Variants in KIAA1217 observed in about 807,000 individuals in gnomAD.
The protein encoded by KIAA1217 is sickle tail protein homolog.
A neutral mutation model predicts 163.9 loss-of-function variants in KIAA1217; 88 were observed. The observed-to-expected ratio is 0.54, with a 90% CI of 0.45 to 0.64. The LOEUF (loss-of-function observed/expected upper bound fraction) is 0.64, where lower values mean the gene tolerates loss of function less well. Ranked by LOEUF, KIAA1217 falls within the 30% of genes least tolerant of loss-of-function variation. The pLI is 0.00. For synonymous variants in KIAA1217, 903 were observed against 923.1 expected (o/e 0.98, Z 0.39); for missense variants, 2,372 against 2,475.0 (o/e 0.96, Z 0.88).
At chr10:24,254,663 C>A (rs1008722791) in intron 2 of KIAA1217, among the ~76,000 whole-genome samples, 2 of 152,180 alleles carry the variant, frequency 1.3e-5, no homozygotes, top group Non-Finnish European at 2.9e-5. Flanking sequence ...CTGGATGAAA[C>A]AATTTGACCA....
intron 2 of KIAA1217, among the ~76,000 whole-genome samples, chr10:24,021,656 A>G (rs1356235310): frequency 6.6e-6 from 1 of 151,936 alleles, no homozygotes; most frequent in Non-Finnish European, 1.5e-5. Context: ...AAGGGGAAGA[A>G]TAAAGCTGGA....
At chr10:23,845,848 G>T (rs9755118) in intron 1 of KIAA1217, among the ~76,000 whole-genome samples, 15 of 152,168 alleles carry the variant, frequency 9.9e-5, no homozygotes, top group Non-Finnish European at 1.9e-4. Context: ...TTTCTTCTAG[G>T]ATTTTTATGG....
intron 1 of KIAA1217, among the ~76,000 whole-genome samples, chr10:23,863,650 TA>T (rs1308914233): frequency 6.6e-6 from 1 of 152,204 alleles, no homozygotes; most frequent in Non-Finnish European, 1.5e-5. Flanking sequence ...CTGTTCCTAG[TA>T]AATTACCTAG....
At chr10:24,309,285 G>C (rs1432136695) in intron 2 of KIAA1217, among the ~76,000 whole-genome samples, 2 of 151,822 alleles carry the variant, frequency 1.3e-5, no homozygotes, top group Non-Finnish European at 2.9e-5. Flanking sequence ...TATGAGGATG[G>C]GGTCTTTCAA....
At chr10:23,775,848 T>C (rs1166482680) in intron 1 of KIAA1217, among the ~76,000 whole-genome samples, 7 of 152,178 alleles carry the variant, frequency 4.6e-5, no homozygotes, top group African/African-American at 1.4e-4. Context: ...CATCACAGAC[T>C]TTTTTTCCCA....
chr10:23,878,877 G>C (rs1300991654), intron 1 of KIAA1217, among the ~76,000 whole-genome samples: 1 of 151,832 alleles, frequency 6.6e-6, no homozygotes, highest in East Asian at 2.0e-4. Flanking sequence ...AAAAAGATCG[G>C]GTTGACTCCG....
chr10:23,916,648 A>G (rs1012490278), intron 1 of KIAA1217, among the ~76,000 whole-genome samples: 1 of 152,184 alleles, frequency 6.6e-6, no homozygotes, highest in African/African-American at 2.4e-5. Context: ...CATGTAGCCT[A>G]CATATGCTAG....
intron 5 of KIAA1217, chr10:24,466,617 G>A (rs2062973644): frequency 1.0e-6 from 1 of 985,254 alleles, no homozygotes; most frequent in Non-Finnish European, 1.2e-6. Flanking sequence ...AACATTTTAG[G>A]ATCTTTGTGT....
Position 23,771,417 on chromosome 10 carries a change from C to T in KIAA1217, c.-321+76183C>T, listed in dbSNP as rs191427397. Among the ~76,000 whole-genome samples, 38 of 152,316 alleles carry T rather than the reference C, an allele frequency of 2.5e-4. No homozygotes were observed. The East Asian group carries it at 7.1e-3, about 29-fold the overall frequency. On this transcript the variant is annotated intron_variant, in intron 1 of 18. Transcript: ENST00000376462. ...AAATGTATGTTTTTGCTGCTCAAAA[C>T]ATTATTTTGCTCTCTCAAAACATTA...
At chr10:23,763,809 A>G (rs999465516) in intron 1 of KIAA1217, among the ~76,000 whole-genome samples, 3 of 152,236 alleles carry the variant, frequency 2.0e-5, no homozygotes, top group African/African-American at 7.2e-5. Flanking sequence ...CTGTAAAGGA[A>G]TACCTGAGAC....
intron 1 of KIAA1217, among the ~76,000 whole-genome samples, chr10:23,879,662 C>G (rs1840862234): frequency 6.6e-6 from 1 of 151,824 alleles, no homozygotes. Context: ...GGAACCAGTC[C>G]TTCTAAGACC....
At chr10:23,855,347 C>T (rs1432219836) in intron 1 of KIAA1217, among the ~76,000 whole-genome samples, 1 of 152,220 alleles carries the variant, frequency 6.6e-6, no homozygotes, top group Non-Finnish European at 1.5e-5. Context: ...TTGGCCCCTA[C>T]TCTCTTCTGG....
chr10:23,950,214 G>A (rs571127832), intron 1 of KIAA1217, among the ~76,000 whole-genome samples: 2 of 152,160 alleles, frequency 1.3e-5, no homozygotes, highest in South Asian at 4.2e-4. Flanking sequence ...TATAAAGTTT[G>A]GGGATTTCTT....
chr10:24,507,176 A>G (rs1013990604), intron 9 of KIAA1217, among the ~76,000 whole-genome samples: 1 of 152,232 alleles, frequency 6.6e-6, no homozygotes, highest in African/African-American at 2.4e-5. Flanking sequence ...AAGCCTTTAA[A>G]GGACAAAGCT....
At chr10:24,435,954 G>A (rs2059982720) in intron 4 of KIAA1217, among the ~76,000 whole-genome samples, 1 of 151,960 alleles carries the variant, frequency 6.6e-6, no homozygotes, top group African/African-American at 2.4e-5. Flanking sequence ...ACCACCTCCT[G>A]GGTTCAAGTA....
intron 5 of KIAA1217, among the ~76,000 whole-genome samples, chr10:24,448,208 T>C (rs755673692): frequency 2.0e-5 from 3 of 151,966 alleles, no homozygotes; most frequent in Non-Finnish European, 4.4e-5. Context: ...AAAATAAGTG[T>C]TCATCAGAAA....
chr10:23,824,656 A>ATATAT (rs1564453885), intron 1 of KIAA1217, among the ~76,000 whole-genome samples: 75 of 82,272 alleles, frequency 9.1e-4, no homozygotes, highest in Non-Finnish European at 1.3e-3. Context: ...AAAAATAAAA[A>ATATAT]AAATATATAT....
At chr10:23,767,122 A>T (rs972894787) in intron 1 of KIAA1217, among the ~76,000 whole-genome samples, 7 of 152,132 alleles carry the variant, frequency 4.6e-5, no homozygotes, top group Non-Finnish European at 8.8e-5. Flanking sequence ...CAGAAATGAT[A>T]TTGAAAAAGA....
chr10:23,926,341 A>T (rs1331341160), intron 1 of KIAA1217, among the ~76,000 whole-genome samples: 2 of 152,236 alleles, frequency 1.3e-5, no homozygotes, highest in Non-Finnish European at 2.9e-5. Flanking sequence ...TTGAAACAGG[A>T]TTAATACACA....
Sources: allele counts gnomAD v4.1 joint callset (sites outside exome capture counted in the v4.1 genomes callset), GRCh38; gene constraint gnomAD v4.1.1; transcripts MANE v1.5; gene names NCBI Gene and HGNC (gene_info 2026-07-23, HGNC 2026-07-21).